The following JPT2 variants were observed in gnomAD, a reference collection of about 807,000 sequenced individuals.
JPT2 encodes the protein Jupiter microtubule associated homolog 2.
In JPT2, 9 loss-of-function variants were observed where a neutral mutation model predicts 15.9. That is an observed-to-expected ratio of 0.57 (90% confidence interval 0.34 to 0.99). The LOEUF (loss-of-function observed/expected upper bound fraction) is 0.99. Among genes scored for constraint, JPT2 ranks in the 50% least tolerant of loss-of-function variants. The probability of loss-of-function intolerance (pLI) is 0.02; values close to 1 mark genes in which losing one functional copy is unlikely to be tolerated. For synonymous variants in JPT2, 95 were observed against 91.7 expected, an observed-to-expected ratio of 1.04 and a Z score of -0.21; for missense variants, 267 against 252.1, an observed-to-expected ratio of 1.06 and a Z score of -0.40.
At chr16:1,696,441 A>T (rs2037142650) in intron 3 of JPT2, among the ~76,000 whole-genome samples, 1 of 151,992 alleles carries the variant, frequency 6.6e-6, no homozygotes, top group Non-Finnish European at 1.5e-5. Flanking sequence ...GAATTGCTTG[A>T]ACCCAGAAGG....
intron 1 of JPT2, among the ~76,000 whole-genome samples, chr16:1,682,911 G>A (rs1037664051): frequency 2.0e-5 from 3 of 151,920 alleles, no homozygotes; most frequent in African/African-American, 7.3e-5. Flanking sequence ...CTGGGCTCAA[G>A]CCAGCCTTAG....
At chr16:1,685,381 C>T (rs1324289452) in intron 1 of JPT2, 58 bp from the exon 2 acceptor site, 1 of 1,580,478 alleles carries the variant, frequency 6.3e-7, no homozygotes, top group East Asian at 2.2e-5. Flanking sequence ...AAAATCCTTG[C>T]ACAGTGACAA....
Position 1,700,537 on chromosome 16 carries a change from C to G in JPT2, c.*1539C>G, listed in dbSNP as rs1363364039. 1 of 185,228 alleles carries G rather than the reference C, an allele frequency of 5.4e-6. No individual in the cohort carries two copies. Among genetic ancestry groups the G allele is most frequent in the Non-Finnish European group, 1.2e-5 (1 of 84,648 alleles). The allele number at this position is 185,228 out of a possible 1,614,324, so 11.5% of individuals were successfully genotyped here. On this transcript the variant is annotated 3_prime_UTR_variant, in exon 5 of 5. Transcript: ENST00000248098. ...CTCACTGCTTAAGTGCCTGCAGGAG[C>G]CGCCTGCCAAGCTCCCCTTCCTACA...
In JPT2 at chr16:1,698,995, C is replaced by T; in HGVS notation, c.570C>T (p.Tyr190=). ...PPGGKSSISF[Y] ...GAGGCAAATCCAGCATCTCCTTCTA[C>T]TAAGAGAAGCCACTGCTCCACCCGG... Residue 190 remains tyrosine, a synonymous_variant, in exon 5 of 5, where the codon TAC becomes TAT. Coordinates refer to ENST00000248098, the MANE Select transcript of JPT2 (RefSeq NM_144570.3). This position sits in a 1 kb window ranked among gnomAD's most constrained non-coding sequence, Gnocchi z 4.9. 1 of 1,612,176 alleles carries T rather than the reference C, an allele frequency of 6.2e-7. No individual in the cohort carries two copies. The highest frequency in any genetic ancestry group is 1.1e-5 in the South Asian group (1 of 91,056).
Position 1,701,359 on chromosome 16 carries a change from G to A in JPT2, c.*2361G>A, listed in dbSNP as rs1023046881. 1 of 152,558 alleles carries A rather than the reference G, an allele frequency of 6.6e-6. No individual in the cohort carries two copies. Among genetic ancestry groups the A allele is most frequent in the South Asian group, 2.1e-4 (1 of 4,830 alleles). 9.5% of individuals were successfully genotyped at this position (152,558 alleles called of 1,614,324 possible). A position where few individuals can be genotyped will look rare whatever the true frequency, so the allele number is the denominator to read the frequency against. On this transcript the variant is annotated 3_prime_UTR_variant, in exon 5 of 5. Transcript: ENST00000248098. ...ATCACAATGTCATTTTGATAGGAGCGTTTTGTTATTTTTACAAGGCAGAAT... is the reference window on the plus strand; with the variant it reads ...ATCACAATGTCATTTTGATAGGAGCATTTTGTTATTTTTACAAGGCAGAAT...
chr16:1,684,847 G>A (rs1255695121), intron 1 of JPT2, among the ~76,000 whole-genome samples: 2 of 151,650 alleles, frequency 1.3e-5, no homozygotes, highest in African/African-American at 4.9e-5. Flanking sequence ...GGAGGCAGAG[G>A]TTGCAGTGAG....
intron 1 of JPT2, among the ~76,000 whole-genome samples, chr16:1,682,050 G>T (rs2037027176): frequency 6.6e-6 from 1 of 152,222 alleles, no homozygotes; most frequent in Non-Finnish European, 1.5e-5. Flanking sequence ...AGAGACCCGT[G>T]CATGTTTAGA....
chr16:1,683,492 C>A, intron 1 of JPT2: 1 of 1,498,008 alleles, frequency 6.7e-7, no homozygotes. Flanking sequence ...TTTTTTCTCC[C>A]TCCTCAAATC....
At chr16:1,702,302 A>T, downstream of JPT2, 1 of 397,190 alleles carries the variant, frequency 2.5e-6, no homozygotes, top group Non-Finnish European at 5.1e-6. Context: ...TCACTTGTTC[A>T]TCCACAGGGT....
intron 3 of JPT2, among the ~76,000 whole-genome samples, chr16:1,696,440 G>A (rs2037142629): frequency 6.6e-6 from 1 of 151,396 alleles, no homozygotes; most frequent in Non-Finnish European, 1.5e-5. Flanking sequence ...AGAATTGCTT[G>A]AACCCAGAAG....
intron 2 of JPT2, chr16:1,686,807 C>T (rs961813845): frequency 2.6e-5 from 4 of 152,084 alleles, no homozygotes; most frequent in African/African-American, 9.7e-5. Flanking sequence ...GAGGGGAAAG[C>T]ATGGTCTCTT....
chr16:1,684,904 C>A lies in JPT2; in HGVS notation c.45-535C>A, dbSNP rs371739262. On this transcript the variant is annotated intron_variant, in intron 1 of 4. Coordinates refer to ENST00000248098, the MANE Select transcript of JPT2 (RefSeq NM_144570.3). The stretch of plus-strand genomic sequence containing the variant: ...CCAGCCTGGGCGACAGAGCGAGACT[C>A]CATCTCAAAAAAAAAAAAAAAAGAA... Among the ~76,000 whole-genome samples the A allele has an allele frequency of 6.1e-4, 88 of 143,404 alleles. 1 individual carries two copies. The highest frequency in any genetic ancestry group is 2.1e-3 in the African/African-American group (82 of 38,446). 94.1% of individuals were successfully genotyped at this position (143,404 alleles called of 152,430 possible). A position where few individuals can be genotyped will look rare whatever the true frequency, so the allele number is the denominator to read the frequency against.
chr16:1,698,939 C>G lies in JPT2; in HGVS notation c.514C>G (p.Arg172Gly). The change falls in exon 5 of 5, where the codon CGC becomes GGC. Residue 172 changes from arginine to glycine, a missense_variant. Physicochemically the swap from Arg to Gly is moderately radical, Grantham distance 125. Coordinates refer to ENST00000248098, the MANE Select transcript of JPT2 (RefSeq NM_144570.3). The surrounding 1 kb of genome is among the most constrained non-coding windows in gnomAD (Gnocchi z 4.9). Reference protein sequence around the residue: ...SHEPRLGPRPRSHNKVLNPPG... With the variant: ...SHEPRLGPRPGSHNKVLNPPG... ...TGAGCCCCGGCTGGGGCCGCGGCCT[C>G]GCTCTCACAACAAGGTCCTGAACCC... 1.2e-6 allele frequency: 2 copies of G among 1,614,194 alleles called. No homozygotes were observed. The highest frequency in any genetic ancestry group is 1.7e-6 in the Non-Finnish European group (2 of 1,180,042).
chr16:1,690,256 G>C (rs1350458726), intron 2 of JPT2: 1 of 152,168 alleles, frequency 6.6e-6, no homozygotes. Context: ...AGCACACGTG[G>C]GCTCTTCATC....
At chr16:1,697,455 G>A (rs1431674533) in intron 3 of JPT2, among the ~76,000 whole-genome samples, 1 of 151,798 alleles carries the variant, frequency 6.6e-6, no homozygotes, top group South Asian at 2.1e-4. Context: ...AGAGGCTGCA[G>A]TGAGCCAAGA....
chr16:1,702,234 G>A (rs548013472), downstream of JPT2: 80 of 441,652 alleles, frequency 1.8e-4, 2 homozygotes, highest in South Asian at 1.3e-3. Flanking sequence ...GGGGCCAGAT[G>A]AGATGAAAGT....
rs2037167338 is a variant in JPT2, at chr16:1,699,555, A to C, written c.*557A>C. 1 of 326,878 alleles carries C rather than the reference A, an allele frequency of 3.1e-6. No homozygotes were observed. The highest frequency in any genetic ancestry group is 7.7e-5 in the East Asian group (1 of 12,942). 20.2% of individuals were successfully genotyped at this position (326,878 alleles called of 1,614,324 possible). A position where few individuals can be genotyped will look rare whatever the true frequency, so the allele number is the denominator to read the frequency against. The stretch of plus-strand genomic sequence containing the variant: ...TGCTTTTCCTCGGCAGCTTTCAAAA[A>C]ACCAAATAATAATAGTTATCCGTCT... On this transcript the variant is annotated 3_prime_UTR_variant, in exon 5 of 5. Transcript: ENST00000248098.
At chr16:1,697,724 G>T in intron 3 of JPT2, 88 bp from the exon 4 acceptor site, 1 of 1,250,820 alleles carries the variant, frequency 8.0e-7, no homozygotes, top group South Asian at 1.3e-5. Flanking sequence ...TAAATTAAAA[G>T]GTTATATGGT....
At chr16:1,683,387 A>AG in intron 1 of JPT2, 1 of 661,122 alleles carries the variant, frequency 1.5e-6, no homozygotes, top group South Asian at 1.9e-5. Flanking sequence ...CTGGGATTAC[A>AG]GGTGCCAGGT....
Sources: allele counts gnomAD v4.1 joint callset (sites outside exome capture counted in the v4.1 genomes callset), GRCh38; gene constraint gnomAD v4.1.1; non-coding constraint Gnocchi (gnomAD v3.1); transcripts MANE v1.5; gene names NCBI Gene and HGNC (gene_info 2026-07-23, HGNC 2026-07-21).